PTPRM: variants seen among roughly 807,000 people sequenced by gnomAD.
The protein encoded by PTPRM is receptor-type tyrosine-protein phosphatase mu.
Under a neutral mutation model 186.7 loss-of-function variants are expected in PTPRM, and 47 were observed. The ratio of observed to expected loss-of-function variants is 0.25; its 90% CI spans 0.20 to 0.32. The LOEUF is 0.32. Among genes scored for constraint, PTPRM ranks in the 10% least tolerant of loss-of-function variants. The pLI is 1.00. For synonymous variants in PTPRM, 668 were observed against 674.9 expected (o/e 0.99, Z 0.16); for missense variants, 1,494 against 1,865.0 (o/e 0.80, Z 3.66).
At chr18:7,687,422 G>A (rs1043489788) in intron 1 of PTPRM, among the ~76,000 whole-genome samples, 11 of 151,840 alleles carry the variant, frequency 7.2e-5, no homozygotes, top group African/African-American at 2.4e-4. Flanking sequence ...ACCTATGGTG[G>A]GATTGAAGCA....
intron 7 of PTPRM, among the ~76,000 whole-genome samples, chr18:7,957,317 A>G (rs1599719881): frequency 1.3e-5 from 2 of 152,296 alleles, no homozygotes; most frequent in East Asian, 3.9e-4. Flanking sequence ...CTGCTGCATA[A>G]TGTGTAAATG....
Position 8,384,635 on chromosome 18 carries a change from C to T in PTPRM, c.3993C>T (p.Asp1331=). The part of the protein sequence containing the change: ...GPIQVEFVSA[D]LEEDIISRIF... ...TCCAGGTGGAATTTGTCTCTGCTGA[C>T]CTGGAAGAGGACATCATCAGCAGGA... The change falls in exon 30 of 33, where the codon GAC becomes GAT. Residue 1331 remains aspartate (D), a synonymous_variant. Transcript: ENST00000580170. 6 of 1,614,134 alleles carry T rather than the reference C, an allele frequency of 3.7e-6. No homozygotes were observed. Among genetic ancestry groups the T allele is most frequent in the Non-Finnish European group, 4.2e-6 (5 of 1,179,990 alleles).
intron 1 of PTPRM, among the ~76,000 whole-genome samples, chr18:7,587,037 G>A (rs1344713695): frequency 6.6e-6 from 1 of 152,108 alleles, no homozygotes; most frequent in African/African-American, 2.4e-5. Context: ...GAAAGTCTGT[G>A]ATTACTTATC....
chr18:8,330,254 C>T (rs979806980), intron 22 of PTPRM, among the ~76,000 whole-genome samples: 2 of 152,142 alleles, frequency 1.3e-5, no homozygotes, highest in Non-Finnish European at 2.9e-5. Flanking sequence ...ACCAGTTTTT[C>T]AAGGCAGCAA....
chr18:7,639,885 C>T (rs1260768302), intron 1 of PTPRM, among the ~76,000 whole-genome samples: 1 of 152,106 alleles, frequency 6.6e-6, no homozygotes, highest in Non-Finnish European at 1.5e-5. Flanking sequence ...AAAATTTACC[C>T]AAAGAGTATT....
At chr18:8,285,098 A>G (rs1290507349) in intron 19 of PTPRM, among the ~76,000 whole-genome samples, 2 of 152,162 alleles carry the variant, frequency 1.3e-5, no homozygotes, top group Non-Finnish European at 2.9e-5. Context: ...ATTTCCATCA[A>G]CATTCTACAA....
intron 22 of PTPRM, among the ~76,000 whole-genome samples, chr18:8,323,683 A>G (rs1292241020): frequency 1.3e-5 from 2 of 152,112 alleles, no homozygotes; most frequent in African/African-American, 4.8e-5. Flanking sequence ...CTCCATCAGC[A>G]TTAGCTCTGT....
At chr18:8,078,807 C>T (rs909441834) in intron 9 of PTPRM, among the ~76,000 whole-genome samples, 4 of 152,084 alleles carry the variant, frequency 2.6e-5, no homozygotes, top group African/African-American at 7.2e-5. Flanking sequence ...CGTCACATGG[C>T]GAGAGCAGGA....
intron 1 of PTPRM, among the ~76,000 whole-genome samples, chr18:7,599,947 C>T (rs754047938): frequency 2.6e-5 from 4 of 152,186 alleles, no homozygotes; most frequent in Non-Finnish European, 5.9e-5. Context: ...TGCCTTTTAC[C>T]GTCTATCTGC....
chr18:7,980,630 C>A (rs1025061572), intron 7 of PTPRM, among the ~76,000 whole-genome samples: 1 of 152,134 alleles, frequency 6.6e-6, no homozygotes, highest in African/African-American at 2.4e-5. Flanking sequence ...ACAGTCCTCC[C>A]ACCTCGGCCT....
At chr18:7,917,023 G>A (rs2050599565) in intron 4 of PTPRM, among the ~76,000 whole-genome samples, 1 of 152,170 alleles carries the variant, frequency 6.6e-6, no homozygotes, top group South Asian at 2.1e-4. Flanking sequence ...TTACATGAGT[G>A]AGAATGTGGT....
At chr18:7,886,415 A>G (rs1173137126) in intron 2 of PTPRM, among the ~76,000 whole-genome samples, 1 of 152,242 alleles carries the variant, frequency 6.6e-6, no homozygotes, top group Non-Finnish European at 1.5e-5. Flanking sequence ...ATGCTGAAAT[A>G]TATTTCATAG....
At chr18:8,269,065 C>T (rs2094737923) in intron 19 of PTPRM, among the ~76,000 whole-genome samples, 1 of 151,828 alleles carries the variant, frequency 6.6e-6, no homozygotes, top group African/African-American at 2.4e-5. Context: ...CAAGCCAGAG[C>T]AATTAGGCAA....
chr18:7,594,332 T>C (rs950874203), intron 1 of PTPRM, among the ~76,000 whole-genome samples: 2 of 151,956 alleles, frequency 1.3e-5, no homozygotes, highest in Admixed American at 1.3e-4. Flanking sequence ...ATATAAAAAT[T>C]AGCTGGGCAT....
At chr18:8,176,298 C>G (rs570366276) in intron 14 of PTPRM, among the ~76,000 whole-genome samples, 2 of 152,246 alleles carry the variant, frequency 1.3e-5, no homozygotes, top group South Asian at 4.2e-4. Flanking sequence ...TAATCTCTAT[C>G]TACTGCAATC....
intron 22 of PTPRM, among the ~76,000 whole-genome samples, chr18:8,330,209 C>A (rs2095404594): frequency 6.6e-6 from 1 of 152,286 alleles, no homozygotes; most frequent in Non-Finnish European, 1.5e-5. Context: ...AATCTGGGCA[C>A]CAGGTTTCTT....
At chr18:7,651,882 A>G (rs879136650) in intron 1 of PTPRM, among the ~76,000 whole-genome samples, 1 of 151,450 alleles carries the variant, frequency 6.6e-6, no homozygotes, top group African/African-American at 2.4e-5. Context: ...CAATGGCAAC[A>G]AAAGCCAAAA....
At chr18:7,794,597 T>C (rs528288882) in intron 2 of PTPRM, among the ~76,000 whole-genome samples, 1 of 152,228 alleles carries the variant, frequency 6.6e-6, no homozygotes, top group African/African-American at 2.4e-5. Flanking sequence ...TAGAGACTTA[T>C]GAGTAAGATT....
chr18:7,658,336 A>T (rs1016376773), intron 1 of PTPRM, among the ~76,000 whole-genome samples: 8 of 93,144 alleles, frequency 8.6e-5, no homozygotes, highest in Non-Finnish European at 1.5e-4. Context: ...AAATTTATAT[A>T]TATATATATA....
Sources: allele counts gnomAD v4.1 joint callset (sites outside exome capture counted in the v4.1 genomes callset), GRCh38; gene constraint gnomAD v4.1.1; transcripts MANE v1.5; gene names NCBI Gene and HGNC (gene_info 2026-07-23, HGNC 2026-07-21).